The following SNTG1 variants were observed in gnomAD, a reference collection of about 807,000 sequenced individuals.
The protein encoded by SNTG1 is gamma-1-syntrophin.
SNTG1 carries 39 observed loss-of-function variants against 74.7 expected under a neutral mutation model. The observed-to-expected ratio is 0.52, with a 90% CI of 0.40 to 0.68. The LOEUF is 0.68. Ranked by LOEUF, SNTG1 falls within the 30% of genes least tolerant of loss-of-function variation. The pLI is 0.00. For missense variants in SNTG1, 685 were observed against 609.5 expected (o/e 1.12, Z -1.30); for synonymous variants, 254 against 217.1 (o/e 1.17, Z -1.49).
intron 2 of SNTG1, among the ~76,000 whole-genome samples, chr8:50,266,207 C>T (rs1280030715): frequency 6.6e-6 from 1 of 151,926 alleles, no homozygotes; most frequent in Non-Finnish European, 1.5e-5. Context: ...CCACAGTGAG[C>T]AAGAAGTATA....
chr8:50,765,031 G>A (rs1257594407), intron 18 of SNTG1, among the ~76,000 whole-genome samples: 1 of 151,962 alleles, frequency 6.6e-6, no homozygotes, highest in East Asian at 1.9e-4. Context: ...AAAGACAAAT[G>A]TTCCCACTTA....
intron 8 of SNTG1, among the ~76,000 whole-genome samples, chr8:50,481,367 T>A (rs535134276): frequency 6.6e-6 from 1 of 152,120 alleles, no homozygotes; most frequent in African/African-American, 2.4e-5. Flanking sequence ...GGCGACAGAG[T>A]GAGACTCCAT....
chr8:50,777,792 G>C (rs1178099852), intron 18 of SNTG1, among the ~76,000 whole-genome samples: 8 of 151,722 alleles, frequency 5.3e-5, no homozygotes, highest in Non-Finnish European at 8.8e-5. Flanking sequence ...ATGCTGCTGT[G>C]CTGCACCCAT....
chr8:50,207,009 A>C (rs1160086468), intron 2 of SNTG1, among the ~76,000 whole-genome samples: 1 of 152,018 alleles, frequency 6.6e-6, no homozygotes, highest in Non-Finnish European at 1.5e-5. Context: ...TTCATCAGGG[A>C]TATTGGTCTA....
At chr8:49,969,866 C>T (rs1811499943) in intron 1 of SNTG1, among the ~76,000 whole-genome samples, 1 of 152,002 alleles carries the variant, frequency 6.6e-6, no homozygotes, top group Admixed American at 6.6e-5. Context: ...CTCAGCCACA[C>T]TCAAAATGCT....
intron 1 of SNTG1, among the ~76,000 whole-genome samples, chr8:50,027,617 G>C (rs1313092518): frequency 6.6e-6 from 1 of 152,130 alleles, no homozygotes; most frequent in African/African-American, 2.4e-5. Context: ...GAAAAGGCAA[G>C]GGGGCATTCT....
intron 4 of SNTG1, among the ~76,000 whole-genome samples, chr8:50,421,981 G>A (rs368733801): frequency 7.9e-5 from 12 of 152,270 alleles, no homozygotes; most frequent in East Asian, 7.7e-4. Flanking sequence ...AAGTGGCCTT[G>A]TTGTGCAGAC....
intron 1 of SNTG1, among the ~76,000 whole-genome samples, chr8:50,063,407 T>C (rs1820640328): frequency 6.6e-6 from 1 of 152,198 alleles, no homozygotes; most frequent in South Asian, 2.1e-4. Context: ...AGGACAATTA[T>C]GAAGAGAATA....
intron 13 of SNTG1, among the ~76,000 whole-genome samples, chr8:50,646,219 A>T (rs939486012): frequency 6.6e-6 from 1 of 152,182 alleles, no homozygotes; most frequent in African/African-American, 2.4e-5. Context: ...ACACAGCCTT[A>T]CCGGCTGTTG....
intron 11 of SNTG1, among the ~76,000 whole-genome samples, chr8:50,550,933 G>C (rs1267720161): frequency 1.3e-5 from 2 of 151,924 alleles, no homozygotes; most frequent in Non-Finnish European, 2.9e-5. Context: ...AATTCTATGT[G>C]GGGACATTTT....
At chr8:50,470,561 G>A (rs1246443034) in intron 8 of SNTG1, among the ~76,000 whole-genome samples, 1 of 152,124 alleles carries the variant, frequency 6.6e-6, no homozygotes, top group Admixed American at 6.5e-5. Flanking sequence ...AGAGTTGTTT[G>A]TTCCTCCCGG....
chr8:50,366,477 C>T (rs2092114666), intron 2 of SNTG1, among the ~76,000 whole-genome samples: 1 of 151,930 alleles, frequency 6.6e-6, no homozygotes, highest in Non-Finnish European at 1.5e-5. Flanking sequence ...CCCTTTCAAC[C>T]ATAACCATGT....
chr8:50,738,661 C>G (rs941968060), intron 17 of SNTG1, among the ~76,000 whole-genome samples: 1 of 152,000 alleles, frequency 6.6e-6, no homozygotes, highest in African/African-American at 2.4e-5. Context: ...TCAAACTATA[C>G]TACAAAGCTA....
intron 8 of SNTG1, among the ~76,000 whole-genome samples, chr8:50,488,079 T>G (rs2093814797): frequency 6.6e-6 from 1 of 152,214 alleles, no homozygotes; most frequent in Non-Finnish European, 1.5e-5. Context: ...CCATTCTATC[T>G]TGTTTTCTGT....
rs998510664 is a variant in SNTG1, at chr8:49,980,352, G to A, written c.-103+68121G>A. On this transcript the variant is annotated intron_variant, in intron 1 of 18. Coordinates refer to ENST00000642720, the MANE Select transcript of SNTG1 (RefSeq NM_018967.5). ...CCATCACGCTGAAAATCAACTGGTAGCTTCAGCTGTAGCAGACGGAGCCCT... is the reference window on the plus strand; with the variant it reads ...CCATCACGCTGAAAATCAACTGGTAACTTCAGCTGTAGCAGACGGAGCCCT... Among the ~76,000 whole-genome samples, 3 of 151,826 alleles carry A rather than the reference G, an allele frequency of 2.0e-5. No individual in the cohort carries two copies. The South Asian group carries it at 6.2e-4, about 32-fold the overall frequency.
intron 1 of SNTG1, among the ~76,000 whole-genome samples, chr8:49,919,668 A>T (rs1167111786): frequency 6.6e-6 from 1 of 152,144 alleles, no homozygotes; most frequent in Non-Finnish European, 1.5e-5. Flanking sequence ...AATAATATGA[A>T]AAGGACACAC....
chr8:50,087,394 A>G (rs1318227653), intron 1 of SNTG1, among the ~76,000 whole-genome samples: 1 of 152,160 alleles, frequency 6.6e-6, no homozygotes, highest in African/African-American at 2.4e-5. Context: ...ACTCTTAGTC[A>G]TGTGGTTTAC....
chr8:49,971,477 C>G (rs534916724), intron 1 of SNTG1, among the ~76,000 whole-genome samples: 3 of 152,270 alleles, frequency 2.0e-5, no homozygotes, highest in African/African-American at 7.2e-5. Context: ...CCCTCCCTCA[C>G]CACTCCTATT....
At chr8:50,016,318 A>T (rs2130627186) in intron 1 of SNTG1, among the ~76,000 whole-genome samples, 1 of 152,062 alleles carries the variant, frequency 6.6e-6, no homozygotes, top group East Asian at 1.9e-4. Context: ...TTTCAAAATG[A>T]TATTTTTTAA....
Sources: allele counts gnomAD v4.1 joint callset (sites outside exome capture counted in the v4.1 genomes callset), GRCh38; gene constraint gnomAD v4.1.1; transcripts MANE v1.5; gene names NCBI Gene and HGNC (gene_info 2026-07-23, HGNC 2026-07-21).